HTR4: variants seen among roughly 807,000 people sequenced by gnomAD.
HTR4 encodes the protein 5-hydroxytryptamine receptor 4.
A neutral mutation model predicts 36.8 loss-of-function variants in HTR4; 16 were observed. The observed-to-expected ratio is 0.43, with a 90% CI of 0.29 to 0.66. HTR4 has a LOEUF of 0.66. HTR4 is among the 30% of genes least tolerant of loss of function. The pLI is 0.13. For missense variants in HTR4, 438 were observed against 490.9 expected, an observed-to-expected ratio of 0.89 and a Z score of 1.02; for synonymous variants, 189 against 185.1, an observed-to-expected ratio of 1.02 and a Z score of -0.17.
At chr5:148,531,119 T>A (rs1758544585) in intron 4 of HTR4, among the ~76,000 whole-genome samples, 3 of 152,214 alleles carry the variant, frequency 2.0e-5, no homozygotes. Context: ...GACTGTGGAC[T>A]TTTGATTTAA....
intron 2 of HTR4, among the ~76,000 whole-genome samples, chr5:148,607,367 C>T (rs1021767246): frequency 3.9e-5 from 6 of 152,128 alleles, no homozygotes; most frequent in African/African-American, 1.2e-4. Flanking sequence ...CAATGTTGGC[C>T]TAGCCTGCCC....
At chr5:148,642,974 A>G (rs1753772242) in intron 1 of HTR4, among the ~76,000 whole-genome samples, 1 of 152,160 alleles carries the variant, frequency 6.6e-6, no homozygotes, top group Admixed American at 6.5e-5. Flanking sequence ...TTAAAAAAAA[A>G]GAAGCCTTTT....
intron 2 of HTR4, among the ~76,000 whole-genome samples, chr5:148,601,496 T>A (rs1242861568): frequency 6.6e-6 from 1 of 152,154 alleles, no homozygotes; most frequent in Non-Finnish European, 1.5e-5. Flanking sequence ...TGCAGTGGAA[T>A]AACATTTAGC....
At chr5:148,591,874 G>A (rs1357088489) in intron 2 of HTR4, among the ~76,000 whole-genome samples, 5 of 152,168 alleles carry the variant, frequency 3.3e-5, no homozygotes, top group African/African-American at 1.2e-4. Context: ...TTTTGCCATT[G>A]TGGAAAGCAG....
At chr5:148,591,592 C>T (rs1761574263) in intron 2 of HTR4, among the ~76,000 whole-genome samples, 1 of 151,996 alleles carries the variant, frequency 6.6e-6, no homozygotes, top group Non-Finnish European at 1.5e-5. Context: ...CTTTTTGTGG[C>T]AGTTGTAAAT....
chr5:148,653,016 A>G (rs998668158), intron 1 of HTR4, among the ~76,000 whole-genome samples: 1 of 151,972 alleles, frequency 6.6e-6, no homozygotes, highest in Admixed American at 6.6e-5. Flanking sequence ...TTTCCTTCAA[A>G]ACCTGTGCTC....
intron 5 of HTR4, chr5:148,465,779 T>C (rs1755410779): frequency 2.6e-6 from 4 of 1,558,608 alleles, no homozygotes; most frequent in Non-Finnish European, 3.5e-6. Context: ...AACAGACACT[T>C]AAGGATATTT....
In HTR4 at chr5:148,482,484, C is replaced by G; in HGVS notation, c.*719G>C. 1 of 985,562 alleles carries G rather than the reference C, an allele frequency of 1.0e-6. No homozygotes were observed. The highest frequency in any genetic ancestry group is 1.2e-6 in the Non-Finnish European group (1 of 830,090). The allele number at this position is 985,562 out of a possible 1,614,324, so 61.1% of individuals were successfully genotyped here. ...TTCCCTCCAGAGTTGCTGTGGAGAC[C>G]ATTTTCCTCTGACAGATCTCTGACC... On this transcript the variant is annotated 3_prime_UTR_variant, in exon 7 of 7. Transcript: ENST00000377888.
intron 4 of HTR4, among the ~76,000 whole-genome samples, chr5:148,537,776 T>C (rs768958861): frequency 6.6e-6 from 1 of 152,060 alleles, no homozygotes; most frequent in Non-Finnish European, 1.5e-5. Flanking sequence ...CCACACCTGA[T>C]GGATTCACAG....
intron 4 of HTR4, among the ~76,000 whole-genome samples, chr5:148,546,637 A>AT (rs1043503334): frequency 7.9e-5 from 12 of 151,676 alleles, no homozygotes; most frequent in Admixed American, 2.6e-4. Flanking sequence ...ACTTTCTCCC[A>AT]TTTTTTTTCC....
chr5:148,571,113 C>T (rs778947729), intron 2 of HTR4, among the ~76,000 whole-genome samples: 1 of 152,044 alleles, frequency 6.6e-6, no homozygotes, highest in Non-Finnish European at 1.5e-5. Flanking sequence ...CTCCATGATT[C>T]TAGAACATCC....
At chr5:148,456,125 A>G (rs1179727814) in intron 5 of HTR4, among the ~76,000 whole-genome samples, 6 of 152,204 alleles carry the variant, frequency 3.9e-5, no homozygotes, top group Non-Finnish European at 8.8e-5. Context: ...TTTCCTTGGC[A>G]GGAGTCTAGC....
chr5:148,490,836 C>T (rs1756383754), intron 6 of HTR4: 1 of 562,854 alleles, frequency 1.8e-6, no homozygotes, highest in Non-Finnish European at 3.1e-6. Flanking sequence ...TTCCTGTTTC[C>T]TCTAACAGCC....
intron 2 of HTR4, among the ~76,000 whole-genome samples, chr5:148,590,238 T>C (rs1448770740): frequency 6.6e-5 from 10 of 151,800 alleles, no homozygotes; most frequent in Non-Finnish European, 1.5e-4. Context: ...AGTTCTACCT[T>C]GTTTTTATTA....
chr5:148,527,083 A>G (rs964383851), intron 4 of HTR4, among the ~76,000 whole-genome samples: 8 of 152,212 alleles, frequency 5.3e-5, no homozygotes, highest in African/African-American at 1.7e-4. Context: ...GGATATCCCA[A>G]CTACCCTGAT....
At chr5:148,547,508 G>A (rs531354092) in intron 4 of HTR4, among the ~76,000 whole-genome samples, 4 of 121,740 alleles carry the variant, frequency 3.3e-5, no homozygotes, top group Non-Finnish European at 7.2e-5. Context: ...GACAGAGCAA[G>A]ACTTGGTCTC....
chr5:148,479,033 G>T (rs1174347998), downstream of HTR4, among the ~76,000 whole-genome samples: 1 of 151,958 alleles, frequency 6.6e-6, no homozygotes, highest in Admixed American at 6.6e-5. Flanking sequence ...CTTCAGCAGG[G>T]ATGCACATGC....
chr5:148,455,643 A>G (rs1424611896), intron 5 of HTR4, among the ~76,000 whole-genome samples: 2 of 152,164 alleles, frequency 1.3e-5, no homozygotes, highest in Non-Finnish European at 2.9e-5. Context: ...TGATCGTTGA[A>G]CAGTGTAGGA....
In HTR4 at chr5:148,551,182, C is replaced by G. The variant is rs145734370; in HGVS notation, c.27-920G>C. On this transcript the variant is annotated intron_variant, in intron 2 of 6. Coordinates refer to ENST00000377888, the MANE Select transcript of HTR4 (RefSeq NM_000870.7). ...CAGTTACTTGGCCTGAATGCAAAGC[C>G]ATCTTGTTACAGTGTCCCATTCCAG... Among the ~76,000 whole-genome samples, 696 of 152,286 alleles carry G rather than the reference C, an allele frequency of 4.6e-3. 4 individuals carry two copies. Among genetic ancestry groups the G allele is most frequent in the Non-Finnish European group, 7.0e-3 (478 of 68,022 alleles).
Sources: allele counts gnomAD v4.1 joint callset (sites outside exome capture counted in the v4.1 genomes callset), GRCh38; gene constraint gnomAD v4.1.1; transcripts MANE v1.5; gene names NCBI Gene and HGNC (gene_info 2026-07-23, HGNC 2026-07-21).